The following ATG7 variants were observed in gnomAD, a reference collection of about 807,000 sequenced individuals.
The protein encoded by ATG7 is autophagy related 7, also known as ubiquitin-like modifier-activating enzyme ATG7.
Under a neutral mutation model 82.4 loss-of-function variants are expected in ATG7, and 70 were observed. The observed-to-expected ratio is 0.85, with a 90% CI of 0.70 to 1.04. ATG7 has a LOEUF of 1.04. Among genes scored for constraint, ATG7 ranks in the 50% least tolerant of loss-of-function variants. The pLI is 0.00. For missense variants in ATG7, 792 were observed against 864.3 expected (o/e 0.92, Z 1.05); for synonymous variants, 287 against 313.0 (o/e 0.92, Z 0.88).
chr3:11,508,222 GCA>G (rs1376623561), intron 20 of ATG7, among the ~76,000 whole-genome samples: 1 of 152,050 alleles, frequency 6.6e-6, no homozygotes, highest in African/African-American at 2.4e-5. Flanking sequence ...AGTTCGTGAG[GCA>G]CACAGTGTCT....
intron 4 of ATG7, 25 bp from the exon 5 acceptor site, chr3:11,299,336 GA>G: frequency 6.3e-7 from 1 of 1,597,718 alleles, no homozygotes; most frequent in Non-Finnish European, 8.6e-7. Flanking sequence ...ACTTGTCATT[GA>G]AAATGTGATA....
chr3:11,395,972 G>GGA (rs2079224669), intron 19 of ATG7, among the ~76,000 whole-genome samples: 4 of 144,176 alleles, frequency 2.8e-5, no homozygotes, highest in African/African-American at 1.0e-4. Flanking sequence ...AAAAGGTAGG[G>GGA]GGGGAAGAGT....
At chr3:11,428,530 A>G (rs528354466) in intron 20 of ATG7, among the ~76,000 whole-genome samples, 3 of 152,348 alleles carry the variant, frequency 2.0e-5, no homozygotes, top group East Asian at 3.9e-4. Flanking sequence ...TATGGCCAAT[A>G]GTTAGAGCCA....
At chr3:11,402,601 G>T (rs2079944232) in intron 19 of ATG7, among the ~76,000 whole-genome samples, 1 of 152,112 alleles carries the variant, frequency 6.6e-6, no homozygotes, top group African/African-American at 2.4e-5. Context: ...TATCACACAT[G>T]CACCAGCCCC....
chr3:11,396,174 C>G (rs1241704416), intron 19 of ATG7, among the ~76,000 whole-genome samples: 3 of 151,680 alleles, frequency 2.0e-5, no homozygotes, highest in African/African-American at 7.3e-5. Context: ...AGGCCAGGCA[C>G]AGTGGCTCAT....
At chr3:11,339,649 G>A (rs539599196) in intron 11 of ATG7, among the ~76,000 whole-genome samples, 9 of 152,328 alleles carry the variant, frequency 5.9e-5, no homozygotes, top group Admixed American at 2.6e-4. Flanking sequence ...GAAGGTAGCA[G>A]GTGTGTTCTG....
intron 20 of ATG7, among the ~76,000 whole-genome samples, chr3:11,491,859 G>A (rs1214800772): frequency 5.3e-5 from 8 of 152,286 alleles, no homozygotes; most frequent in South Asian, 2.1e-4. Flanking sequence ...GTACCCGGCC[G>A]TGTGAGGTAT....
At chr3:11,402,484 C>T (rs536597269) in intron 19 of ATG7, among the ~76,000 whole-genome samples, 1 of 152,058 alleles carries the variant, frequency 6.6e-6, no homozygotes, top group African/African-American at 2.4e-5. Context: ...CTGATAAGAC[C>T]CTGAAAAACC....
intron 20 of ATG7, among the ~76,000 whole-genome samples, chr3:11,531,748 C>T (rs1401794251): frequency 6.6e-6 from 1 of 151,892 alleles, no homozygotes; most frequent in Non-Finnish European, 1.5e-5. Flanking sequence ...TCCGTAGTCC[C>T]AGCTACTCGG....
chr3:11,525,775 C>T (rs1019101113), intron 20 of ATG7, among the ~76,000 whole-genome samples: 1 of 151,758 alleles, frequency 6.6e-6, no homozygotes, highest in African/African-American at 2.4e-5. Context: ...AGGATGGTCT[C>T]GATCTCCTGA....
At chr3:11,316,898 G>C (rs1231063092) in intron 9 of ATG7, among the ~76,000 whole-genome samples, 1 of 152,048 alleles carries the variant, frequency 6.6e-6, no homozygotes, top group East Asian at 1.9e-4. Flanking sequence ...TTTAACTGAC[G>C]GTCTGGTTAT....
At chr3:11,548,825 C>A (rs1056668944) in intron 20 of ATG7, among the ~76,000 whole-genome samples, 1 of 152,202 alleles carries the variant, frequency 6.6e-6, no homozygotes, top group African/African-American at 2.4e-5. Flanking sequence ...AGAGATCATG[C>A]AGCAGGGGAT....
In ATG7 at chr3:11,340,631, TTA is replaced by T; in HGVS notation, c.890-12_890-11del. ...TCCCTCCTTCATTAAACTTTGTGTT[TTA>T]TTTGCCTTAAGATTGTCCTAAAGCA... On this transcript the variant is annotated splice_polypyrimidine_tract_variant and intron_variant, in intron 11 of 20. Coordinates refer to ENST00000693202, the MANE Select transcript of ATG7 (RefSeq NM_001349232.2). 2 of 1,608,888 alleles carry T rather than the reference TTA, an allele frequency of 1.2e-6. No individual in the cohort carries two copies. The highest frequency in any genetic ancestry group is 1.7e-6 in the Non-Finnish European group (2 of 1,176,006).
rs144277505 is a variant in ATG7, at chr3:11,551,233, C to A, written c.2080-3578C>A. Among the ~76,000 whole-genome samples, 28 of 152,312 alleles carry A rather than the reference C, an allele frequency of 1.8e-4. 1 individual carries two copies. The highest frequency in any genetic ancestry group is 5.9e-4 in the Admixed American group (9 of 15,296). ...TCCTCGGGGGTTTCATGGCGTCTCC[C>A]TCGGCCCATGGTGGGGGCTTCTCAC... On this transcript the variant is annotated intron_variant, in intron 20 of 20. Coordinates refer to ENST00000693202, the MANE Select transcript of ATG7 (RefSeq NM_001349232.2).
intron 14 of ATG7, among the ~76,000 whole-genome samples, chr3:11,356,890 T>C (rs1342759506): frequency 6.6e-6 from 1 of 152,204 alleles, no homozygotes; most frequent in Non-Finnish European, 1.5e-5. Context: ...AAAATAGATG[T>C]GTTTTTGCAC....
At chr3:11,491,256 G>T (rs1457971452) in intron 20 of ATG7, among the ~76,000 whole-genome samples, 1 of 152,000 alleles carries the variant, frequency 6.6e-6, no homozygotes, top group African/African-American at 2.4e-5. Context: ...TCTTCCACTT[G>T]ATTGCATTGG....
At chr3:11,388,848 A>G (rs1257435460) in intron 19 of ATG7, among the ~76,000 whole-genome samples, 1 of 152,158 alleles carries the variant, frequency 6.6e-6, no homozygotes, top group Admixed American at 6.5e-5. Flanking sequence ...CAGCTGCTGA[A>G]ACAAGGGAGC....
At chr3:11,315,617 AG>A in intron 9 of ATG7, 124 bp downstream of exon 9, 1 of 907,130 alleles carries the variant, frequency 1.1e-6, no homozygotes, top group Non-Finnish European at 1.6e-6. Flanking sequence ...AGGATGTTTA[AG>A]AACATTTCCT....
At chr3:11,416,962 G>A (rs2081420917) in intron 19 of ATG7, among the ~76,000 whole-genome samples, 1 of 151,950 alleles carries the variant, frequency 6.6e-6, no homozygotes, top group Non-Finnish European at 1.5e-5. Flanking sequence ...ATGTGTTATT[G>A]TTCAACCTTA....
Sources: gnomAD v4.1 joint callset for allele counts (sites outside exome capture counted in the v4.1 genomes callset) on GRCh38, gnomAD v4.1.1 for gene constraint, MANE v1.5 for transcripts, NCBI Gene and HGNC (gene_info 2026-07-23, HGNC 2026-07-21) for gene names.